The following NTN1 variants were observed in gnomAD, a reference collection of about 807,000 sequenced individuals.
The protein encoded by NTN1 is netrin-1.
NTN1 carries 11 observed loss-of-function variants against 54.2 expected under a neutral mutation model. The observed-to-expected ratio is 0.20, with a 90% confidence interval of 0.13 to 0.34. The LOEUF is 0.34. NTN1 is among the 10% of genes least tolerant of loss of function. The pLI is 1.00. For missense variants in NTN1, 740 were observed against 893.1 expected (o/e 0.83, Z 2.18); for synonymous variants, 371 against 382.0 (o/e 0.97, Z 0.33).
intron 2 of NTN1, among the ~76,000 whole-genome samples, chr17:9,148,464 G>A (rs1305249028): frequency 1.3e-5 from 2 of 152,158 alleles, no homozygotes; most frequent in African/African-American, 2.4e-5. Context: ...GCGTGAAATC[G>A]TACATCTTAG....
intron 2 of NTN1, among the ~76,000 whole-genome samples, chr17:9,121,840 C>T (rs1396312945): frequency 6.6e-6 from 1 of 152,128 alleles, no homozygotes; most frequent in African/African-American, 2.4e-5. Flanking sequence ...CCAGGCAATC[C>T]CACACCTACT....
At chr17:9,154,703 T>C (rs920423255) in intron 2 of NTN1, among the ~76,000 whole-genome samples, 1 of 152,130 alleles carries the variant, frequency 6.6e-6, no homozygotes, top group African/African-American at 2.4e-5. Flanking sequence ...AGCTGAACAA[T>C]TTCTAAATAA....
intron 2 of NTN1, among the ~76,000 whole-genome samples, chr17:9,161,149 A>G (rs2092355692): frequency 1.3e-5 from 2 of 152,202 alleles, no homozygotes; most frequent in Admixed American, 6.5e-5. Context: ...TGGCACAAGG[A>G]AAGCTGTGTG....
rs1379648577 is a variant in NTN1, at chr17:9,165,060, A to G, written c.1207+2059A>G. Among the ~76,000 whole-genome samples the G allele has an allele frequency of 1.3e-5, 2 of 152,194 alleles. No individual in the cohort carries two copies. Among genetic ancestry groups the G allele is most frequent in the South Asian group, 2.1e-4 (1 of 4,834 alleles). ...GGTCTTGTAAACAGCTGGCTTGCAC[A>G]TAGATTTCTTGGGAGTTCAGCCAAG... On this transcript the variant is annotated intron_variant, in intron 3 of 6. Coordinates refer to ENST00000173229, the MANE Select transcript of NTN1 (RefSeq NM_004822.3). This position sits in a 1 kb window ranked among gnomAD's most constrained non-coding sequence, Gnocchi z 4.5.
chr17:9,070,114 A>C (rs895852379), intron 2 of NTN1, among the ~76,000 whole-genome samples: 1 of 152,230 alleles, frequency 6.6e-6, no homozygotes, highest in African/African-American at 2.4e-5. Flanking sequence ...GAGTGGGTTC[A>C]AACTCTAGTT....
At position 9,221,120 on chromosome 17, in the gene NTN1, G is replaced by A. The variant is rs758318180; in HGVS notation, c.1412-48G>A. On this transcript the variant is annotated intron_variant, in intron 5 of 6. Transcript: ENST00000173229. This position sits in a 1 kb window ranked among gnomAD's most constrained non-coding sequence, Gnocchi z 4.5. ...TACTCTGCCCGCCAGCCTATTCATC[G>A]CCAGCCTAATTAGTTTTTGTCTGTG... 1.5e-5 allele frequency: 20 copies of A among 1,335,462 alleles called. No individual in the cohort carries two copies. The highest frequency in any genetic ancestry group is 9.2e-5 in the East Asian group (4 of 43,584). 82.7% of individuals were successfully genotyped at this position (1,335,462 alleles called of 1,614,324 possible).
chr17:9,234,399 G>A (rs930781489), intron 6 of NTN1, among the ~76,000 whole-genome samples: 1 of 152,210 alleles, frequency 6.6e-6, no homozygotes, highest in Non-Finnish European at 1.5e-5. Context: ...CTGAGGGCAG[G>A]AGACAAAGCT....
At chr17:9,170,490 G>A (rs1206464573) in intron 3 of NTN1, among the ~76,000 whole-genome samples, 1 of 152,140 alleles carries the variant, frequency 6.6e-6, no homozygotes, top group Non-Finnish European at 1.5e-5. Flanking sequence ...GTGTGGACTT[G>A]GCAGCCAATT....
intron 3 of NTN1, among the ~76,000 whole-genome samples, chr17:9,163,506 A>G (rs200709245): frequency 0.69 from 101,746 of 147,450 alleles, 35,374 homozygotes; most frequent in East Asian, 0.83. Flanking sequence ...ACACACACAC[A>G]CACACACACA....
At chr17:9,158,224 G>A (rs988080904) in intron 2 of NTN1, among the ~76,000 whole-genome samples, 1 of 152,138 alleles carries the variant, frequency 6.6e-6, no homozygotes, top group East Asian at 1.9e-4. Flanking sequence ...GTGACCAGTT[G>A]TTTAGGAAGA....
intron 5 of NTN1, among the ~76,000 whole-genome samples, chr17:9,198,485 C>T (rs893311908): frequency 6.6e-6 from 1 of 152,178 alleles, no homozygotes; most frequent in Admixed American, 6.5e-5. Flanking sequence ...GGGCGGGGCT[C>T]CAGCCACCTC....
At chr17:9,023,419 C>T in intron 2 of NTN1, 28 bp downstream of exon 2, 2 of 1,345,048 alleles carry the variant, frequency 1.5e-6, no homozygotes, top group Non-Finnish European at 1.9e-6. Flanking sequence ...GCGGAGCCGG[C>T]GGCGGGTGGG....
At chr17:9,213,741 G>A (rs556038123) in intron 5 of NTN1, among the ~76,000 whole-genome samples, 10 of 152,056 alleles carry the variant, frequency 6.6e-5, no homozygotes, top group African/African-American at 9.7e-5. Flanking sequence ...GCGTGAAATC[G>A]ATTTGTCCTT....
chr17:9,074,936 C>T (rs1048892309), intron 2 of NTN1, among the ~76,000 whole-genome samples: 1 of 152,238 alleles, frequency 6.6e-6, no homozygotes, highest in Non-Finnish European at 1.5e-5. Flanking sequence ...CGTTTCCCAA[C>T]ACACACGGGT....
At chr17:9,206,059 G>C (rs1567738509) in intron 5 of NTN1, among the ~76,000 whole-genome samples, 8 of 152,194 alleles carry the variant, frequency 5.3e-5, no homozygotes. Context: ...CTAGGTCTGG[G>C]ACTGGTGGCA....
chr17:9,123,486 C>T (rs991341305), intron 2 of NTN1, among the ~76,000 whole-genome samples: 8 of 152,108 alleles, frequency 5.3e-5, no homozygotes, highest in Non-Finnish European at 7.4e-5. Context: ...TTAAAGTTGC[C>T]GTCTATTAGA....
At chr17:9,076,287 C>T (rs1443523915) in intron 2 of NTN1, among the ~76,000 whole-genome samples, 2 of 152,206 alleles carry the variant, frequency 1.3e-5, no homozygotes, top group Non-Finnish European at 2.9e-5. Context: ...GCACACTGAC[C>T]ACAGCTGGGA....
chr17:9,203,979 G>A (rs1244455342), intron 5 of NTN1, among the ~76,000 whole-genome samples: 1 of 152,142 alleles, frequency 6.6e-6, no homozygotes, highest in Non-Finnish European at 1.5e-5. Flanking sequence ...CTGTTCTGAG[G>A]GTGAAACAGA....
chr17:9,152,363 C>T (rs1597507551), intron 2 of NTN1, among the ~76,000 whole-genome samples: 1 of 152,266 alleles, frequency 6.6e-6, no homozygotes, highest in East Asian at 1.9e-4. Flanking sequence ...TGCCCAGTTC[C>T]CCGGAGAGGA....
Sources: allele counts gnomAD v4.1 joint callset (sites outside exome capture counted in the v4.1 genomes callset), GRCh38; gene constraint gnomAD v4.1.1; non-coding constraint Gnocchi (gnomAD v3.1); transcripts MANE v1.5; gene names NCBI Gene and HGNC (gene_info 2026-07-23, HGNC 2026-07-21).